Variants in PLCL2 observed in about 807,000 individuals in gnomAD.
PLCL2 encodes the protein inactive phospholipase C-like protein 2.
In PLCL2, 4 loss-of-function variants were observed where a neutral mutation model predicts 79.6. The observed-to-expected ratio is 0.05, with a 90% CI of 0.02 to 0.11. The LOEUF (loss-of-function observed/expected upper bound fraction) is 0.11. Among genes scored for constraint, PLCL2 ranks in the 10% least tolerant of loss-of-function variants. The probability of loss-of-function intolerance (pLI) is 1.00; values close to 1 mark genes in which losing one functional copy is unlikely to be tolerated. For missense variants in PLCL2, 895 were observed against 1,291.0 expected (o/e 0.69, Z 4.70); for synonymous variants, 484 against 457.7 (o/e 1.06, Z -0.73).
rs892188442 is a variant in PLCL2 at position 17,013,813 on chromosome 3, G to A, written c.2815-895G>A. On this transcript the variant is annotated intron_variant, in intron 2 of 5. Coordinates refer to ENST00000615277, the MANE Select transcript of PLCL2 (RefSeq NM_001144382.2). ...TTATAATTGGCCTGTTATTACTCAC[G>A]GTGACTCAAAGCATGGGCCTTAACA... 3.3e-5 allele frequency among the ~76,000 whole-genome samples: 5 copies of A among 152,056 alleles called. No individual in the cohort carries two copies. The East Asian group carries it at 9.6e-4, about 29-fold the overall frequency.
Position 17,089,740 on chromosome 3 carries a change from C to T in PLCL2, c.3212C>T (p.Ala1071Val). ...TWNITILKGQADLLKYAKNET... is the reference protein window; with the variant it reads ...TWNITILKGQVDLLKYAKNET... ...TTGCATGTTTTGTTATAGGGACAAG[C>T]AGATCTTTTGAAATATGCTAAGAAT... Residue 1071 changes from alanine (A) to valine (V), a missense_variant, in exon 6 of 6, where the codon GCA becomes GTA. Physicochemically the swap from Ala to Val is moderately conservative, Grantham distance 64 (BLOSUM62 0). Coordinates refer to ENST00000615277, the MANE Select transcript of PLCL2 (RefSeq NM_001144382.2). 6.3e-7 allele frequency: 1 copy of T among 1,597,438 alleles called. No individual in the cohort carries two copies. The highest frequency in any genetic ancestry group is 8.6e-7 in the Non-Finnish European group (1 of 1,166,270).
chr3:17,012,009 A>G lies in PLCL2; in HGVS notation c.2663A>G (p.Lys888Arg), dbSNP rs2064330706. The G allele has an allele frequency of 6.2e-7, 1 of 1,614,202 alleles. No homozygotes were observed. Among genetic ancestry groups the G allele is most frequent in the East Asian group, 2.2e-5 (1 of 44,876 alleles). ...ATTACTAACCGAAGAGGAGGAGGAA[A>G]GCCTCATAAAAGGGGCCTTTCTGTG... ...VAITNRRGGG[K>R]PHKRGLSVRK... Residue 888 changes from lysine to arginine, a missense_variant, in exon 2 of 6, where the codon AAG (lysine) becomes AGG (arginine). Lys to Arg is a conservative substitution (Grantham distance 26). Transcript: ENST00000615277.
At chr3:16,929,740 T>A (rs1697350294) in intron 1 of PLCL2, among the ~76,000 whole-genome samples, 1 of 152,202 alleles carries the variant, frequency 6.6e-6, no homozygotes, top group Non-Finnish European at 1.5e-5. Context: ...CTTCTGAAAC[T>A]TGAAGAAAGG....
intron 1 of PLCL2, among the ~76,000 whole-genome samples, chr3:16,951,796 C>T (rs2124959902): frequency 6.6e-6 from 1 of 152,014 alleles, no homozygotes; most frequent in South Asian, 2.1e-4. Context: ...TAAATTTCTG[C>T]ATGTATAGAA....
intron 4 of PLCL2, among the ~76,000 whole-genome samples, chr3:17,065,538 T>C (rs1373572315): frequency 6.6e-6 from 1 of 152,216 alleles, no homozygotes; most frequent in Non-Finnish European, 1.5e-5. Flanking sequence ...GTTCCTGTCA[T>C]TGCCTCATTA....
chr3:17,049,111 T>C (rs900290430), intron 4 of PLCL2, among the ~76,000 whole-genome samples: 6 of 151,498 alleles, frequency 4.0e-5, no homozygotes, highest in African/African-American at 1.4e-4. Context: ...TTTTTTTTTA[T>C]CTCACATTGA....
intron 4 of PLCL2, among the ~76,000 whole-genome samples, chr3:17,064,024 G>C (rs114628559): frequency 6.6e-6 from 1 of 152,220 alleles, no homozygotes; most frequent in Non-Finnish European, 1.5e-5. Flanking sequence ...AAGGAGAAGA[G>C]ATGCTACTCT....
At position 16,887,701 on chromosome 3, in the gene PLCL2, G is replaced by A. The variant is rs1453618609; in HGVS notation, c.327+2335G>A. Among the ~76,000 whole-genome samples, 1 of 151,838 alleles carries A rather than the reference G, an allele frequency of 6.6e-6. No homozygotes were observed. Among genetic ancestry groups the A allele is most frequent in the Admixed American group, 6.6e-5 (1 of 15,260 alleles). On this transcript the variant is annotated intron_variant, in intron 1 of 5. Coordinates refer to ENST00000615277, the MANE Select transcript of PLCL2 (RefSeq NM_001144382.2). The surrounding 1 kb of genome is among the most constrained non-coding windows in gnomAD (Gnocchi z 4.1). ...CCAGCATCAGGACAATATCCTAATA[G>A]AAAACAAAGTCTTTAACATCAAATT...
chr3:17,038,081 C>T (rs2064676418), intron 3 of PLCL2, among the ~76,000 whole-genome samples: 1 of 151,984 alleles, frequency 6.6e-6, no homozygotes, highest in Non-Finnish European at 1.5e-5. Flanking sequence ...TTTACTTTGC[C>T]TTTAGTTAAA....
At chr3:16,998,869 G>A (rs1483683661) in intron 1 of PLCL2, among the ~76,000 whole-genome samples, 1 of 152,164 alleles carries the variant, frequency 6.6e-6, no homozygotes, top group African/African-American at 2.4e-5. Flanking sequence ...GACTTTGAAA[G>A]CTTCCTGTTA....
intron 1 of PLCL2, among the ~76,000 whole-genome samples, chr3:16,974,553 G>A (rs1191475813): frequency 1.3e-5 from 2 of 152,130 alleles, no homozygotes; most frequent in Non-Finnish European, 2.9e-5. Context: ...CTGAAATTGA[G>A]GTGCCTTTGA....
At chr3:16,950,755 A>G (rs528839166) in intron 1 of PLCL2, among the ~76,000 whole-genome samples, 24 of 152,196 alleles carry the variant, frequency 1.6e-4, no homozygotes, top group South Asian at 4.1e-4. Context: ...TTTGCATTTT[A>G]TCAAATCCTT....
intron 1 of PLCL2, 40 bp downstream of exon 1, chr3:16,885,406 T>C (rs1454357622): frequency 1.1e-5 from 6 of 554,046 alleles, no homozygotes; most frequent in Non-Finnish European, 1.9e-5. Context: ...CCCTCAGCCG[T>C]CCTTGGATTC....
intron 5 of PLCL2, among the ~76,000 whole-genome samples, chr3:17,083,053 A>T (rs2124956050): frequency 6.6e-6 from 1 of 152,212 alleles, no homozygotes; most frequent in East Asian, 1.9e-4. Context: ...TACAGCAGTG[A>T]TCAGAAGACA....
intron 4 of PLCL2, among the ~76,000 whole-genome samples, chr3:17,044,659 A>ATTT (rs1350212839): frequency 6.6e-6 from 1 of 152,188 alleles, no homozygotes; most frequent in Non-Finnish European, 1.5e-5. Flanking sequence ...ATATTAACTA[A>ATTT]ATATGATTTT....
At chr3:17,082,819 C>T (rs562368003) in intron 5 of PLCL2, among the ~76,000 whole-genome samples, 1 of 152,000 alleles carries the variant, frequency 6.6e-6, no homozygotes, top group East Asian at 1.9e-4. Flanking sequence ...AACCAAAGAA[C>T]AATATAGATT....
chr3:17,050,109 A>G (rs55748719), intron 4 of PLCL2, among the ~76,000 whole-genome samples: 87,912 of 151,986 alleles, frequency 0.58, 25,717 homozygotes, highest in South Asian at 0.65. Context: ...TAAATCGTGC[A>G]GGGAAAACGG....
intron 3 of PLCL2, among the ~76,000 whole-genome samples, chr3:17,026,481 A>T (rs1487151917): frequency 6.6e-6 from 1 of 152,172 alleles, no homozygotes; most frequent in East Asian, 1.9e-4. Context: ...ATCAATGTTG[A>T]TCATTCTAGT....
At chr3:17,005,342 C>T (rs567282184) in intron 1 of PLCL2, among the ~76,000 whole-genome samples, 7 of 150,382 alleles carry the variant, frequency 4.7e-5, no homozygotes, top group Non-Finnish European at 8.8e-5. Flanking sequence ...TGTTGCCAGC[C>T]GATGAAATGA....
Sources: allele counts gnomAD v4.1 joint callset (sites outside exome capture counted in the v4.1 genomes callset), GRCh38; gene constraint gnomAD v4.1.1; non-coding constraint Gnocchi (gnomAD v3.1); transcripts MANE v1.5; gene names NCBI Gene and HGNC (gene_info 2026-07-23, HGNC 2026-07-21).